TTC6: variants seen among roughly 807,000 people sequenced by gnomAD.
TTC6 encodes the protein tetratricopeptide repeat protein 6.
Under a neutral mutation model 210.4 loss-of-function variants are expected in TTC6, and 172 were observed. The observed-to-expected ratio is 0.82, with a 90% CI of 0.72 to 0.93. The LOEUF (loss-of-function observed/expected upper bound fraction) is 0.93. Ranked by LOEUF, TTC6 falls within the 40% of genes least tolerant of loss-of-function variation. TTC6 has a pLI of 0.00. For synonymous variants in TTC6, 804 were observed against 819.6 expected, an observed-to-expected ratio of 0.98 and a Z score of 0.32; for missense variants, 2,414 against 2,318.1, an observed-to-expected ratio of 1.04 and a Z score of -0.85.
chr14:37,696,792 A>G (rs1409660395), exon 4 of TTC6: 2 of 1,439,206 alleles, frequency 1.4e-6, no homozygotes, highest in South Asian at 1.5e-5. Flanking sequence ...ACTGAGACCA[A>G]GAAAGTCTTC....
intron 14 of TTC6, among the ~76,000 whole-genome samples, chr14:37,758,462 T>A (rs1250992919): frequency 6.6e-6 from 1 of 152,198 alleles, no homozygotes; most frequent in Non-Finnish European, 1.5e-5. Flanking sequence ...TCTTTTTTGA[T>A]CTTTGTTTAT....
rs577300035 is a variant in TTC6 at position 37,658,697 on chromosome 14, A to G, written c.940-21454A>G. Among the ~76,000 whole-genome samples, 7 of 152,324 alleles carry G rather than the reference A, an allele frequency of 4.6e-5. No individual in the cohort carries two copies. The South Asian group carries it at 1.0e-3, about 23-fold the overall frequency. On this transcript the variant is annotated intron_variant, in intron 1 of 30. Coordinates refer to ENST00000553443, the Ensembl canonical transcript of TTC6. The stretch of plus-strand genomic sequence containing the variant: ...ACAATCTATGCACATAGCAAAAACT[A>G]CATTTACACACCATACATTTAAACA...
chr14:37,670,337 G>A (rs992098507), intron 1 of TTC6, among the ~76,000 whole-genome samples: 4 of 152,100 alleles, frequency 2.6e-5, no homozygotes, highest in Admixed American at 6.6e-5. Context: ...ATAGTGAAAT[G>A]TTACGTGATT....
intron 1 of TTC6, among the ~76,000 whole-genome samples, chr14:37,676,584 A>AT (rs1414497424): frequency 6.6e-6 from 1 of 151,928 alleles, no homozygotes; most frequent in Non-Finnish European, 1.5e-5. Context: ...CAATTTGTCT[A>AT]TTTTTTCTTT....
intron 1 of TTC6, among the ~76,000 whole-genome samples, chr14:37,657,785 C>G (rs1359453241): frequency 1.3e-5 from 2 of 152,128 alleles, no homozygotes; most frequent in Non-Finnish European, 2.9e-5. Context: ...TTTCAAACAA[C>G]CTGGTATGAA....
At chr14:37,699,459 A>G (rs563128137) in intron 4 of TTC6, among the ~76,000 whole-genome samples, 2 of 152,220 alleles carry the variant, frequency 1.3e-5, no homozygotes, top group Non-Finnish European at 2.9e-5. Flanking sequence ...CTTAATCACT[A>G]TGCTAGAAGT....
intron 9 of TTC6, among the ~76,000 whole-genome samples, chr14:37,738,150 T>C (rs57722525): frequency 0.041 from 6,168 of 150,652 alleles, 307 homozygotes; most frequent in East Asian, 0.17. Context: ...GTTTCAAGTA[T>C]TAATGCATAA....
At chr14:37,841,609 T>C in exon 30 of TTC6, 1 of 1,605,212 alleles carries the variant, frequency 6.2e-7, no homozygotes, top group Non-Finnish European at 8.5e-7. Flanking sequence ...TATATTTTAA[T>C]AGAGCACATT....
intron 20 of TTC6, among the ~76,000 whole-genome samples, chr14:37,799,585 G>A (rs191941406): frequency 2.0e-4 from 31 of 152,120 alleles, no homozygotes; most frequent in Non-Finnish European, 2.5e-4. Context: ...GATTATATTA[G>A]GTTATGTAGT....
At chr14:37,840,018 G>C (rs1252408487) in intron 29 of TTC6, among the ~76,000 whole-genome samples, 1 of 151,950 alleles carries the variant, frequency 6.6e-6, no homozygotes, top group East Asian at 1.9e-4. Context: ...TATCTGTTTT[G>C]GTACCAGTAC....
At chr14:37,809,247 ATTTTTTTTT>A (rs3062846) in intron 24 of TTC6, among the ~76,000 whole-genome samples, 10 of 102,620 alleles carry the variant, frequency 9.7e-5, no homozygotes, top group African/African-American at 3.6e-4. Flanking sequence ...CATATGCAGA[ATTTTTTTTT>A]TTTTTTTTTT....
intron 14 of TTC6, among the ~76,000 whole-genome samples, chr14:37,762,397 C>G (rs773203301): frequency 1.3e-5 from 2 of 152,130 alleles, no homozygotes; most frequent in Non-Finnish European, 2.9e-5. Flanking sequence ...AAGGCACCAC[C>G]ATACTGTTTT....
chr14:37,647,119 C>G (rs2095703014), intron 1 of TTC6, among the ~76,000 whole-genome samples: 1 of 152,170 alleles, frequency 6.6e-6, no homozygotes, highest in African/African-American at 2.4e-5. Context: ...TAAATGTTCT[C>G]TAGGGACTAG....
At chr14:37,715,620 G>A (rs1298731838) in intron 6 of TTC6, among the ~76,000 whole-genome samples, 1 of 152,182 alleles carries the variant, frequency 6.6e-6, no homozygotes, top group Non-Finnish European at 1.5e-5. Flanking sequence ...CATGCTACCT[G>A]TAGGGGAAAA....
exon 5 of TTC6, chr14:37,701,514 A>T: frequency 6.8e-7 from 1 of 1,473,258 alleles, no homozygotes. Context: ...ACAGATGAAG[A>T]ACAAACAGAT....
At chr14:37,655,973 T>C (rs1006150707) in intron 1 of TTC6, among the ~76,000 whole-genome samples, 1 of 152,130 alleles carries the variant, frequency 6.6e-6, no homozygotes, top group Non-Finnish European at 1.5e-5. Context: ...TGTTCATCAA[T>C]GCCTGGCACA....
chr14:37,810,214 C>G (rs924151721), intron 24 of TTC6, among the ~76,000 whole-genome samples: 2 of 152,094 alleles, frequency 1.3e-5, no homozygotes, highest in Non-Finnish European at 2.9e-5. Flanking sequence ...ATTGAAAGAT[C>G]ATTTATTAGA....
chr14:37,789,595 C>CA (rs1566956068), intron 15 of TTC6, among the ~76,000 whole-genome samples: 29 of 17,838 alleles, frequency 1.6e-3, no homozygotes, highest in Admixed American at 4.1e-3. Flanking sequence ...TTGGTTTCCT[C>CA]TTATATATAT....
chr14:37,807,288 C>T (rs2096120312), intron 22 of TTC6, 32 bp from the exon 25 acceptor site: 2 of 1,474,624 alleles, frequency 1.4e-6, no homozygotes, highest in African/African-American at 1.4e-5. Flanking sequence ...CTAAAGCATC[C>T]ATTCCTGCTT....
Sources: allele counts gnomAD v4.1 joint callset (sites outside exome capture counted in the v4.1 genomes callset), GRCh38; gene constraint gnomAD v4.1.1; transcripts MANE v1.5; gene names NCBI Gene and HGNC (gene_info 2026-07-23, HGNC 2026-07-21).